Variants in PTGER3 observed in about 807,000 individuals in gnomAD.
PTGER3 encodes the protein prostaglandin E receptor 3, also known as prostaglandin E2 receptor EP3 subtype.
Under a neutral mutation model 34.7 loss-of-function variants are expected in PTGER3, and 22 were observed. The observed-to-expected ratio is 0.63, with a 90% CI of 0.45 to 0.91. PTGER3 has a LOEUF of 0.91. Among genes scored for constraint, PTGER3 ranks in the 40% least tolerant of loss-of-function variants. The probability of loss-of-function intolerance (pLI) is 0.00; values close to 1 mark genes in which losing one functional copy is unlikely to be tolerated. For missense variants in PTGER3, 468 were observed against 519.4 expected, an observed-to-expected ratio of 0.90 and a Z score of 0.96; for synonymous variants, 241 against 230.1, an observed-to-expected ratio of 1.05 and a Z score of -0.43.
downstream of PTGER3, among the ~76,000 whole-genome samples, chr1:70,967,918 C>G (rs1652692569): frequency 6.6e-6 from 1 of 152,276 alleles, no homozygotes; most frequent in Non-Finnish European, 1.5e-5. Flanking sequence ...CTCTACTTTT[C>G]TCTTCCCTCC....
intron 4 of PTGER3, among the ~76,000 whole-genome samples, chr1:70,907,427 A>T (rs1646972144): frequency 6.6e-6 from 1 of 152,244 alleles, no homozygotes; most frequent in African/African-American, 2.4e-5. Flanking sequence ...ATCAATCAGG[A>T]CATGATGCGA....
intron 2 of PTGER3, chr1:71,009,730 T>C: frequency 2.0e-6 from 2 of 985,186 alleles, no homozygotes; most frequent in African/African-American, 1.7e-5. Context: ...TCAGGAATTG[T>C]CATAATCTAT....
intron 1 of PTGER3, among the ~76,000 whole-genome samples, chr1:71,026,448 T>C (rs1232715674): frequency 1.3e-5 from 2 of 152,166 alleles, no homozygotes; most frequent in Non-Finnish European, 1.5e-5. Flanking sequence ...TTTCAGGAAA[T>C]CGGACTTTAA....
chr1:70,911,682 G>GT (rs1183754719), intron 4 of PTGER3, among the ~76,000 whole-genome samples: 1 of 152,044 alleles, frequency 6.6e-6, no homozygotes, highest in Non-Finnish European at 1.5e-5. Context: ...TAAAATGAAG[G>GT]TTTTTAGCCA....
At chr1:70,905,889 G>C (rs1299280684) in intron 4 of PTGER3, among the ~76,000 whole-genome samples, 4 of 152,086 alleles carry the variant, frequency 2.6e-5, no homozygotes, top group African/African-American at 7.2e-5. Flanking sequence ...TGATTTGACT[G>C]TGTCCCCACT....
intron 4 of PTGER3, among the ~76,000 whole-genome samples, chr1:70,921,249 G>C (rs1163122103): frequency 6.6e-6 from 1 of 152,058 alleles, no homozygotes; most frequent in African/African-American, 2.4e-5. Flanking sequence ...AGAAACACAA[G>C]TGTATATCAC....
At chr1:70,953,660 C>T (rs537039642) in intron 3 of PTGER3, 41 of 1,492,012 alleles carry the variant, frequency 2.7e-5, no homozygotes, top group African/African-American at 1.3e-4. Flanking sequence ...AAGGAAAACA[C>T]GAACTTTCAA....
At chr1:70,963,339 T>C (rs1652149462) in intron 2 of PTGER3, among the ~76,000 whole-genome samples, 2 of 152,172 alleles carry the variant, frequency 1.3e-5, no homozygotes, top group South Asian at 2.1e-4. Context: ...ATGGCTCTAC[T>C]AGGCAGTGTC....
downstream of PTGER3, chr1:70,952,391 T>C: frequency 1.0e-6 from 1 of 980,600 alleles, no homozygotes; most frequent in Non-Finnish European, 1.2e-6. Context: ...TTAATGTAGG[T>C]TTTATAGAGT....
intron 4 of PTGER3, among the ~76,000 whole-genome samples, chr1:70,890,777 C>G (rs1277404497): frequency 1.3e-5 from 2 of 152,284 alleles, no homozygotes; most frequent in South Asian, 2.1e-4. Flanking sequence ...CTTTTAATCA[C>G]TCTTCTTAGG....
At chr1:70,856,226 A>C (rs1217599314) in intron 4 of PTGER3, among the ~76,000 whole-genome samples, 1 of 152,146 alleles carries the variant, frequency 6.6e-6, no homozygotes, top group Admixed American at 6.5e-5. Context: ...TTTATGACCT[A>C]GCCAAGATAA....
At chr1:70,924,069 C>T (rs1398332273) in intron 4 of PTGER3, among the ~76,000 whole-genome samples, 1 of 152,042 alleles carries the variant, frequency 6.6e-6, no homozygotes, top group Non-Finnish European at 1.5e-5. Context: ...ATCACAGGCC[C>T]AGGAGCCCCA....
chr1:70,966,387 T>C (rs999634789), downstream of PTGER3, among the ~76,000 whole-genome samples: 7 of 152,028 alleles, frequency 4.6e-5, no homozygotes, highest in Middle Eastern at 3.2e-3. Context: ...CCCCAAAACC[T>C]ATAGAAATAA....
At chr1:70,942,988 G>C (rs921871154) in intron 4 of PTGER3, among the ~76,000 whole-genome samples, 3 of 152,142 alleles carry the variant, frequency 2.0e-5, no homozygotes, top group African/African-American at 7.2e-5. Flanking sequence ...TGGGTATTTT[G>C]TTACGGCAGC....
intron 2 of PTGER3, among the ~76,000 whole-genome samples, chr1:71,004,623 CAG>C (rs1289264060): frequency 6.6e-6 from 1 of 152,172 alleles, no homozygotes; most frequent in African/African-American, 2.4e-5. Flanking sequence ...AGAATTATAA[CAG>C]ATTTTTTAAA....
intron 1 of PTGER3, among the ~76,000 whole-genome samples, chr1:71,023,303 C>T (rs181902390): frequency 6.6e-6 from 1 of 151,860 alleles, no homozygotes; most frequent in Non-Finnish European, 1.5e-5. Flanking sequence ...CCCTAATATT[C>T]GAGTCACCAT....
At chr1:71,030,973 C>A (rs1659360916) in intron 1 of PTGER3, among the ~76,000 whole-genome samples, 1 of 151,932 alleles carries the variant, frequency 6.6e-6, no homozygotes, top group African/African-American at 2.4e-5. Context: ...AGCCTAAGAT[C>A]TACTAATTAC....
At chr1:70,875,645 C>T (rs915540836) in intron 4 of PTGER3, among the ~76,000 whole-genome samples, 1 of 152,136 alleles carries the variant, frequency 6.6e-6, no homozygotes, top group Non-Finnish European at 1.5e-5. Context: ...TCAAGTAGGA[C>T]ACAGTGCCTG....
At chr1:70,995,115 A>T (rs1655817833) in intron 2 of PTGER3, among the ~76,000 whole-genome samples, 1 of 152,214 alleles carries the variant, frequency 6.6e-6, no homozygotes, top group South Asian at 2.1e-4. Context: ...ATTCTGAATC[A>T]GGCATAAGGA....
Sources: allele counts gnomAD v4.1 joint callset (sites outside exome capture counted in the v4.1 genomes callset), GRCh38; gene constraint gnomAD v4.1.1; transcripts MANE v1.5; gene names NCBI Gene and HGNC (gene_info 2026-07-23, HGNC 2026-07-21).